ZC3H4: variants seen among roughly 807,000 people sequenced by gnomAD.
The protein encoded by ZC3H4 is zinc finger CCCH domain-containing protein 4.
ZC3H4 carries 13 observed loss-of-function variants against 108.3 expected under a neutral mutation model. That is an observed-to-expected ratio of 0.12 (90% CI 0.08 to 0.19). The LOEUF (loss-of-function observed/expected upper bound fraction) is 0.19, where lower values mean the gene tolerates loss of function less well. Among genes scored for constraint, ZC3H4 ranks in the 10% least tolerant of loss-of-function variants. The probability of loss-of-function intolerance (pLI) is 1.00; values close to 1 mark genes in which losing one functional copy is unlikely to be tolerated. For missense variants in ZC3H4, 1,734 were observed against 1,838.8 expected, an observed-to-expected ratio of 0.94 and a Z score of 1.04; for synonymous variants, 917 against 749.6, an observed-to-expected ratio of 1.22 and a Z score of -3.65.
intron 5 of ZC3H4, among the ~76,000 whole-genome samples, chr19:47,088,352 C>T (rs914720590): frequency 6.6e-6 from 1 of 151,582 alleles, no homozygotes; most frequent in African/African-American, 2.4e-5. Context: ...TCGAGACCAC[C>T]CTGGTCACCA....
In ZC3H4 at chr19:47,067,876, A is replaced by C. The variant is rs1277688138; in HGVS notation, c.2399-7T>G. Reference sequence around the variant, plus strand: ...TACCAGTTTCCGGTGTCACCTGGGAAAGAACAGAGGAGCAGGGAGGGGTGA... The same window carrying C: ...TACCAGTTTCCGGTGTCACCTGGGACAGAACAGAGGAGCAGGGAGGGGTGA... On this transcript the variant is annotated splice_region_variant and splice_polypyrimidine_tract_variant and intron_variant, in intron 14 of 14. Transcript: ENST00000253048. This position sits in a 1 kb window ranked among gnomAD's most constrained non-coding sequence, Gnocchi z 6.4. The C allele has an allele frequency of 6.3e-7, 1 of 1,581,128 alleles. No homozygotes were observed. The highest frequency in any genetic ancestry group is 1.3e-5 in the African/African-American group (1 of 74,392).
chr19:47,086,600 A>G, intron 5 of ZC3H4, 62 bp from the exon 6 acceptor site: 1 of 1,506,672 alleles, frequency 6.6e-7, no homozygotes, highest in African/African-American at 1.4e-5. Flanking sequence ...AAGAAAGAAG[A>G]CAACCCACAT....
chr19:47,102,219 G>C (rs1008552867), intron 2 of ZC3H4, among the ~76,000 whole-genome samples: 1 of 152,160 alleles, frequency 6.6e-6, no homozygotes, highest in East Asian at 1.9e-4. Flanking sequence ...ATTTGCCCAT[G>C]GGGTCACAGC....
chr19:47,071,966 G>GCATGTCTGCGT lies in ZC3H4; in HGVS notation c.1957_1958insACGCAGACATG (p.Pro653HisfsTer10), dbSNP rs1555778337. 6.2e-7 allele frequency: 1 copy of GCATGTCTGCGT among 1,611,774 alleles called. No individual in the cohort carries two copies. The highest frequency in any genetic ancestry group is 1.1e-5 in the South Asian group (1 of 90,872). On this transcript the variant is annotated frameshift_variant, in exon 13 of 15. Transcript: ENST00000253048. LOFTEE classifies it high-confidence loss of function. The stretch of plus-strand genomic sequence containing the variant: ...GCCAGGATTCATGCCAGGGCCCATC[G>GCATGTCTGCGT]GCATGTCTGCGTGCATGTCTGCGTG...
At chr19:47,104,045 G>A (rs1455244120) in intron 2 of ZC3H4, among the ~76,000 whole-genome samples, 8 of 151,552 alleles carry the variant, frequency 5.3e-5, no homozygotes, top group Admixed American at 4.6e-4. Context: ...TTAGCCAGGC[G>A]CAGTGGCTCA....
Position 47,069,202 on chromosome 19 carries a change from G to A in ZC3H4, c.2288C>T (p.Pro763Leu), listed in dbSNP as rs763247562. The stretch of plus-strand genomic sequence containing the variant: ...CAGGTACAGGGCCCTCTGGGCTGAG[G>A]GCAGGAAGTCAGGGACACCGGCGCC... ...KPGAGVPDFLPSAQRALYLRI... is the reference protein window; with the variant it reads ...KPGAGVPDFLLSAQRALYLRI... Residue 763 changes from proline (P) to leucine (L), a missense_variant, in exon 14 of 15, where the codon CCC becomes CTC. Pro to Leu is a moderately conservative substitution (Grantham distance 98, BLOSUM62 -3). Transcript: ENST00000253048. 6.2e-7 allele frequency: 1 copy of A among 1,612,172 alleles called. No individual in the cohort carries two copies. The highest frequency in any genetic ancestry group is 1.7e-5 in the Admixed American group (1 of 60,018).
intron 4 of ZC3H4, among the ~76,000 whole-genome samples, chr19:47,090,938 C>A (rs971106544): frequency 3.9e-5 from 6 of 152,142 alleles, no homozygotes; most frequent in Admixed American, 1.3e-4. Context: ...CTACTACCTG[C>A]TCAATTTTGA....
chr19:47,095,899 G>A (rs1026710866), intron 2 of ZC3H4, among the ~76,000 whole-genome samples: 1 of 152,110 alleles, frequency 6.6e-6, no homozygotes, highest in Non-Finnish European at 1.5e-5. Flanking sequence ...GAAACATCAC[G>A]AGCCCAGGCC....
chr19:47,110,299 T>C (rs2058021573), intron 2 of ZC3H4, among the ~76,000 whole-genome samples: 1 of 152,168 alleles, frequency 6.6e-6, no homozygotes, highest in Admixed American at 6.5e-5. Flanking sequence ...GGACTTGAAG[T>C]ATCCACTTTC....
chr19:47,071,727 C>A, intron 13 of ZC3H4, 51 bp downstream of exon 13: 1 of 1,528,506 alleles, frequency 6.5e-7, no homozygotes, highest in Non-Finnish European at 8.8e-7. Context: ...AACTCTGCTC[C>A]ACTGGGTAAA....
intron 11 of ZC3H4, among the ~76,000 whole-genome samples, chr19:47,076,194 TCATCCGCTC>T (rs2057414659): frequency 6.6e-6 from 1 of 152,156 alleles, no homozygotes; most frequent in Non-Finnish European, 1.5e-5. Flanking sequence ...CAAACACAGA[TCATCCGCTC>T]AGTGGGACAC....
chr19:47,105,889 A>G (rs2057962265), intron 2 of ZC3H4, among the ~76,000 whole-genome samples: 2 of 152,224 alleles, frequency 1.3e-5, no homozygotes, highest in Admixed American at 1.3e-4. Flanking sequence ...TATACCCCAC[A>G]GTCTGAAAAA....
intron 2 of ZC3H4, among the ~76,000 whole-genome samples, chr19:47,108,479 T>C (rs1179509053): frequency 6.6e-6 from 1 of 151,984 alleles, no homozygotes; most frequent in Non-Finnish European, 1.5e-5. Context: ...GACAGCCATT[T>C]CTCTCCCATC....
intron 2 of ZC3H4, among the ~76,000 whole-genome samples, chr19:47,103,595 C>A (rs370805486): frequency 4.7e-4 from 71 of 152,040 alleles, no homozygotes; most frequent in Middle Eastern, 3.4e-3. Flanking sequence ...ACCAGCCTGG[C>A]CAACATGGTA....
intron 4 of ZC3H4, among the ~76,000 whole-genome samples, chr19:47,093,312 G>C (rs747142525): frequency 2.0e-4 from 30 of 151,438 alleles, no homozygotes; most frequent in Non-Finnish European, 3.7e-4. Context: ...AATTTAAATT[G>C]CTGCTTGAAA....
chr19:47,101,467 C>T (rs2057902786), intron 2 of ZC3H4, among the ~76,000 whole-genome samples: 1 of 152,170 alleles, frequency 6.6e-6, no homozygotes, highest in African/African-American at 2.4e-5. Context: ...CCTGCCTTGG[C>T]CTTCTCCTGC....
At chr19:47,090,860 T>C (rs1288952123) in intron 4 of ZC3H4, among the ~76,000 whole-genome samples, 2 of 151,912 alleles carry the variant, frequency 1.3e-5, no homozygotes, top group Non-Finnish European at 2.9e-5. Context: ...ACCACAACAA[T>C]GCAAGACATT....
chr19:47,084,285 G>T, intron 9 of ZC3H4, 60 bp downstream of exon 9: 1 of 1,521,846 alleles, frequency 6.6e-7, no homozygotes, highest in Non-Finnish European at 9.1e-7. Flanking sequence ...CCTTCTGGAA[G>T]CCATGTGTCC....
In ZC3H4 at chr19:47,065,987, G is replaced by C. The variant is rs2057187288; in HGVS notation, c.*369C>G. ...AGACACCAACTGTTCCCTTTGTCCT[G>C]GGGAAAAGGGGCCATGCTTTGCCCA... On this transcript the variant is annotated 3_prime_UTR_variant, in exon 15 of 15. Transcript: ENST00000253048. The C allele has an allele frequency of 5.5e-6, 1 of 182,500 alleles. No homozygotes were observed. The highest frequency in any genetic ancestry group is 1.1e-5 in the Non-Finnish European group (1 of 88,682). 11.3% of individuals were successfully genotyped at this position (182,500 alleles called of 1,614,324 possible). A position where few individuals can be genotyped will look rare whatever the true frequency, so the allele number is the denominator to read the frequency against.
Sources: gnomAD v4.1 joint callset for allele counts (sites outside exome capture counted in the v4.1 genomes callset) on GRCh38, gnomAD v4.1.1 for gene constraint, Gnocchi (gnomAD v3.1) non-coding constraint, MANE v1.5 for transcripts, NCBI Gene and HGNC (gene_info 2026-07-23, HGNC 2026-07-21) for gene names.